Variants in ANKRD44 observed in about 807,000 individuals in gnomAD.
ANKRD44 encodes ankyrin repeat domain 44.
ANKRD44 carries 35 observed loss-of-function variants against 116.0 expected under a neutral mutation model. That is an observed-to-expected ratio of 0.30 (90% confidence interval 0.23 to 0.40). ANKRD44 has a LOEUF of 0.40. Ranked by LOEUF, ANKRD44 falls within the 10% of genes least tolerant of loss-of-function variation. ANKRD44 has a pLI of 1.00. For synonymous variants in ANKRD44, 435 were observed against 461.8 expected, an observed-to-expected ratio of 0.94 and a Z score of 0.74; for missense variants, 1,014 against 1,242.6, an observed-to-expected ratio of 0.82 and a Z score of 2.77.
intron 2 of ANKRD44, among the ~76,000 whole-genome samples, chr2:197,148,315 C>G (rs571659989): frequency 1.8e-4 from 28 of 152,152 alleles, no homozygotes; most frequent in Non-Finnish European, 3.8e-4. Flanking sequence ...ACTTGGTGCT[C>G]AGCATAAATT....
At chr2:197,112,431 C>T (rs1350641020) in intron 8 of ANKRD44, among the ~76,000 whole-genome samples, 3 of 152,140 alleles carry the variant, frequency 2.0e-5, no homozygotes, top group African/African-American at 7.2e-5. Flanking sequence ...AATTCTGGGC[C>T]AGGCGCAGTG....
intron 17 of ANKRD44, chr2:197,015,208 GA>G: frequency 3.2e-6 from 1 of 311,726 alleles, no homozygotes; most frequent in Non-Finnish European, 6.2e-6. Flanking sequence ...AGGAACCAGA[GA>G]GCTGTTTCTA....
chr2:197,294,905 T>C (rs1487131529), intron 1 of ANKRD44, among the ~76,000 whole-genome samples: 3 of 152,188 alleles, frequency 2.0e-5, no homozygotes, highest in Non-Finnish European at 4.4e-5. Context: ...TCTTGGCTCT[T>C]TGAGTGCATC....
intron 3 of ANKRD44, among the ~76,000 whole-genome samples, chr2:197,139,115 C>T (rs1265188562): frequency 6.6e-6 from 1 of 152,040 alleles, no homozygotes; most frequent in Non-Finnish European, 1.5e-5. Context: ...CTTTGGGAAA[C>T]AATGTGGCAT....
intron 2 of ANKRD44, among the ~76,000 whole-genome samples, chr2:197,181,223 A>G (rs1373749122): frequency 6.6e-6 from 1 of 152,216 alleles, no homozygotes; most frequent in Non-Finnish European, 1.5e-5. Context: ...AGCTTTACAA[A>G]AAAAATTTTT....
chr2:197,111,677 T>C (rs1041413615), intron 8 of ANKRD44, among the ~76,000 whole-genome samples: 1 of 147,020 alleles, frequency 6.8e-6, no homozygotes, highest in Admixed American at 6.8e-5. Context: ...TGGAACCCTC[T>C]ACTATTCCCT....
intron 8 of ANKRD44, among the ~76,000 whole-genome samples, chr2:197,112,932 C>G (rs2078623403): frequency 6.6e-6 from 1 of 150,884 alleles, no homozygotes; most frequent in South Asian, 2.1e-4. Context: ...AGGAATTACA[C>G]ATAGTCTGTG....
At position 197,212,031 on chromosome 2, in the gene ANKRD44, CT is replaced by C. The variant is rs1236218625; in HGVS notation, c.28-24926del. ...AATTCCCTTCACTGAGCCTCTCTCT[CT>C]CTCTCAGTCTCTCTCTCTCTCACAC... On this transcript the variant is annotated intron_variant, in intron 1 of 27. Coordinates refer to ENST00000282272, the MANE Select transcript of ANKRD44 (RefSeq NM_001195144.2). This position sits in a 1 kb window ranked among gnomAD's most constrained non-coding sequence, Gnocchi z 4.8. Among the ~76,000 whole-genome samples, 4,243 of 110,576 alleles carry C rather than the reference CT, an allele frequency of 0.038. 219 individuals are homozygous for C. Among genetic ancestry groups the C allele is most frequent in the African/African-American group, 0.12 (3,972 of 32,902 alleles). The allele number at this position is 110,576 out of a possible 152,430, so 72.5% of individuals were successfully genotyped here. A position where few individuals can be genotyped will look rare whatever the true frequency, so the allele number is the denominator to read the frequency against.
chr2:197,017,913 C>G (rs1355649730), intron 17 of ANKRD44, among the ~76,000 whole-genome samples: 1 of 152,226 alleles, frequency 6.6e-6, no homozygotes, highest in Non-Finnish European at 1.5e-5. Context: ...TGCCCTAGTA[C>G]AGGGAAGTGT....
chr2:197,033,161 T>C (rs16860886), intron 16 of ANKRD44, among the ~76,000 whole-genome samples: 37,972 of 151,716 alleles, frequency 0.25, 5,078 homozygotes, highest in African/African-American at 0.36. Context: ...TAATGGGAGA[T>C]GGGAAAAGGC....
chr2:197,235,730 A>G (rs1385472939), intron 1 of ANKRD44, among the ~76,000 whole-genome samples: 1 of 151,906 alleles, frequency 6.6e-6, no homozygotes, highest in Non-Finnish European at 1.5e-5. Flanking sequence ...TACAAATAAT[A>G]CAATACAAAT....
At chr2:197,171,727 C>T (rs1005242267) in intron 2 of ANKRD44, among the ~76,000 whole-genome samples, 1 of 152,012 alleles carries the variant, frequency 6.6e-6, no homozygotes, top group African/African-American at 2.4e-5. Flanking sequence ...TGATGTTCAT[C>T]GATTGTAACA....
chr2:197,218,751 C>CTTTTTTTTTTTTTTTTTTT lies in ANKRD44; in HGVS notation c.28-31664_28-31646dup, dbSNP rs138330364. On this transcript the variant is annotated intron_variant, in intron 1 of 27. Coordinates refer to ENST00000282272, the MANE Select transcript of ANKRD44 (RefSeq NM_001195144.2). ...TTCCTGGTATGGGAGGGTAAAGTCC[C>CTTTTTTTTTTTTTTTTTTT]TTTTTTTTTTTTTTTTTTTTTTTTT... Among the ~76,000 whole-genome samples the CTTTTTTTTTTTTTTTTTTT allele has an allele frequency of 2.9e-3, 150 of 52,336 alleles. 26 individuals are homozygous for CTTTTTTTTTTTTTTTTTTT. Among genetic ancestry groups the CTTTTTTTTTTTTTTTTTTT allele is most frequent in the South Asian group, 4.3e-3 (4 of 936 alleles). The allele number at this position is 52,336 out of a possible 152,430, so 34.3% of individuals were successfully genotyped here.
Position 197,119,177 on chromosome 2 carries a change from T to A in ANKRD44, c.906+2155A>T, listed in dbSNP as rs1574491102. Among the ~76,000 whole-genome samples, 3 of 27,306 alleles carry A rather than the reference T, an allele frequency of 1.1e-4. No homozygotes were observed. In the Admixed American group the frequency reaches 2.7e-3, roughly 25 times the overall value. 17.9% of individuals were successfully genotyped at this position (27,306 alleles called of 152,430 possible). ...GTTTTGTTTTATAAATGTTTAAGAC[T>A]TTTTTGTAGTCATATATATGATTAT... On this transcript the variant is annotated intron_variant, in intron 8 of 27. Transcript: ENST00000282272.
chr2:196,975,711 C>T (rs2075752368), intron 21 of ANKRD44, among the ~76,000 whole-genome samples: 1 of 149,624 alleles, frequency 6.7e-6, no homozygotes, highest in Non-Finnish European at 1.5e-5. Flanking sequence ...CTGCTTGAAC[C>T]TGGGAGCTGG....
At chr2:197,274,198 A>G (rs149250893) in intron 1 of ANKRD44, among the ~76,000 whole-genome samples, 1 of 151,914 alleles carries the variant, frequency 6.6e-6, no homozygotes, top group East Asian at 1.9e-4. Context: ...TCACTGAGAC[A>G]CTAACTAGTT....
intron 21 of ANKRD44, among the ~76,000 whole-genome samples, chr2:197,003,170 G>A (rs2076143941): frequency 1.3e-5 from 2 of 151,540 alleles, no homozygotes; most frequent in South Asian, 4.2e-4. Context: ...AAAAAAAGAT[G>A]TGTGGTGGTG....
chr2:197,207,024 C>T (rs1002873038), intron 1 of ANKRD44, among the ~76,000 whole-genome samples: 26 of 152,256 alleles, frequency 1.7e-4, no homozygotes, highest in African/African-American at 6.3e-4. Flanking sequence ...ATTTAAAAAT[C>T]GTGATAAGAT....
intron 2 of ANKRD44, among the ~76,000 whole-genome samples, chr2:197,169,890 TTA>T (rs2080185897): frequency 6.6e-6 from 1 of 151,560 alleles, no homozygotes; most frequent in African/African-American, 2.4e-5. Context: ...TAAAAATTTT[TTA>T]AAAAAAAGAG....
Sources: gnomAD v4.1 joint callset for allele counts (sites outside exome capture counted in the v4.1 genomes callset) on GRCh38, gnomAD v4.1.1 for gene constraint, Gnocchi (gnomAD v3.1) non-coding constraint, MANE v1.5 for transcripts, NCBI Gene and HGNC (gene_info 2026-07-23, HGNC 2026-07-21) for gene names.